The following AK5 variants were observed in gnomAD, a reference collection of about 807,000 sequenced individuals.
AK5 encodes the protein adenylate kinase 5.
AK5 carries 27 observed loss-of-function variants against 69.5 expected under a neutral mutation model. The observed-to-expected ratio is 0.39, with a 90% CI of 0.29 to 0.54. AK5 has a LOEUF of 0.54. Among genes scored for constraint, AK5 ranks in the 20% least tolerant of loss-of-function variants. The pLI, the probability that AK5 is intolerant of heterozygous loss-of-function variation, is 0.71. For missense variants in AK5, 531 were observed against 700.4 expected, an observed-to-expected ratio of 0.76 and a Z score of 2.73; for synonymous variants, 260 against 244.4, an observed-to-expected ratio of 1.06 and a Z score of -0.60.
intron 10 of AK5, among the ~76,000 whole-genome samples, chr1:77,489,885 T>C (rs1655868447): frequency 6.6e-6 from 1 of 152,168 alleles, no homozygotes; most frequent in Non-Finnish European, 1.5e-5. Context: ...TTATTATCGC[T>C]TGAGCTTGTC....
In AK5 at chr1:77,354,959, A is replaced by C. The variant is rs189982789; in HGVS notation, c.891+14391A>C. 7.2e-4 allele frequency among the ~76,000 whole-genome samples: 109 copies of C among 152,346 alleles called. No homozygotes were observed. In the Middle Eastern group the frequency reaches 0.014, roughly 19 times the overall value. On this transcript the variant is annotated intron_variant, in intron 6 of 13. Coordinates refer to ENST00000354567, the MANE Select transcript of AK5 (RefSeq NM_174858.3). The stretch of plus-strand genomic sequence containing the variant: ...TATTATAAGATATGATTTTTCCTCT[A>C]TTCTGAAATTTATGCTTAAAAATCT...
At chr1:77,546,079 A>G (rs972480068) in intron 13 of AK5, among the ~76,000 whole-genome samples, 9 of 152,128 alleles carry the variant, frequency 5.9e-5, no homozygotes, top group Non-Finnish European at 1.0e-4. Flanking sequence ...GATTCGATGC[A>G]ATACTGTTTG....
intron 10 of AK5, among the ~76,000 whole-genome samples, chr1:77,497,015 C>T (rs563172793): frequency 1.3e-5 from 2 of 152,328 alleles, no homozygotes; most frequent in African/African-American, 2.4e-5. Context: ...CCACTGGGGT[C>T]CCCTTCCATG....
chr1:77,540,188 C>T (rs1659191654), intron 13 of AK5, among the ~76,000 whole-genome samples: 1 of 152,220 alleles, frequency 6.6e-6, no homozygotes, highest in Admixed American at 6.5e-5. Context: ...TTTATACAGC[C>T]ACTCCCTTAT....
chr1:77,469,447 C>T lies in AK5; in HGVS notation c.1060-13870C>T, dbSNP rs117903918. 3.2e-4 allele frequency among the ~76,000 whole-genome samples: 48 copies of T among 152,286 alleles called. No homozygotes were observed. In the East Asian group the frequency reaches 8.3e-3, roughly 26 times the overall value. ...GGAAGAAGGAATTTGGCATATGGCC[C>T]GCAGTGAGAGCTCTTGCCCAACAGT... On this transcript the variant is annotated intron_variant, in intron 8 of 13. Transcript: ENST00000354567.
chr1:77,388,362 C>A (rs1187935334), intron 6 of AK5, among the ~76,000 whole-genome samples: 2 of 152,200 alleles, frequency 1.3e-5, no homozygotes, highest in Admixed American at 6.5e-5. Context: ...GCAGTCACAG[C>A]ATCTCTGTCC....
At chr1:77,492,686 T>C (rs562940306) in intron 10 of AK5, among the ~76,000 whole-genome samples, 381 of 151,406 alleles carry the variant, frequency 2.5e-3, no homozygotes, top group Non-Finnish European at 4.8e-3. Flanking sequence ...TGGGCTCCTG[T>C]AGGCCTGGAA....
intron 6 of AK5, among the ~76,000 whole-genome samples, chr1:77,367,488 TTTTTG>T (rs1646972479): frequency 7.1e-6 from 1 of 141,248 alleles, no homozygotes; most frequent in South Asian, 2.3e-4. Context: ...GGCTAGTTTT[TTTTTG>T]TTTGTTTTGT....
intron 5 of AK5, among the ~76,000 whole-genome samples, chr1:77,319,205 G>C (rs1660398484): frequency 6.6e-6 from 1 of 152,158 alleles, no homozygotes; most frequent in Admixed American, 6.5e-5. Context: ...CACAGGATGA[G>C]AGCCAAGGGA....
chr1:77,340,776 G>A (rs976755884), intron 6 of AK5: 10 of 425,780 alleles, frequency 2.3e-5, no homozygotes, highest in Non-Finnish European at 3.7e-5. Flanking sequence ...TAATTTAATT[G>A]ATTTTTATGA....
At chr1:77,438,206 A>T (rs1652072254) in intron 8 of AK5, among the ~76,000 whole-genome samples, 2 of 150,172 alleles carry the variant, frequency 1.3e-5, no homozygotes, top group African/African-American at 4.9e-5. Flanking sequence ...AAGCAGATTC[A>T]GAGAAGCAGA....
At chr1:77,354,484 G>A (rs1372587958) in intron 6 of AK5, among the ~76,000 whole-genome samples, 1 of 152,220 alleles carries the variant, frequency 6.6e-6, no homozygotes, top group Non-Finnish European at 1.5e-5. Flanking sequence ...ATTCTTTTCA[G>A]TAGTCCACTT....
At chr1:77,554,278 A>G (rs1659963138) in intron 13 of AK5, among the ~76,000 whole-genome samples, 1 of 152,130 alleles carries the variant, frequency 6.6e-6, no homozygotes, top group Admixed American at 6.5e-5. Flanking sequence ...CTTCCAGTAC[A>G]TGTCTATTCT....
chr1:77,538,168 GTC>G (rs1659069851), intron 13 of AK5, among the ~76,000 whole-genome samples: 1 of 151,962 alleles, frequency 6.6e-6, no homozygotes, highest in South Asian at 2.1e-4. Flanking sequence ...TCGAGACCCT[GTC>G]TCTCCAAAAA....
At position 77,521,937 on chromosome 1, in the gene AK5, A is replaced by G. The variant is rs746917635; in HGVS notation, c.1422A>G (p.Gly474=). 1.1e-5 allele frequency: 18 copies of G among 1,606,424 alleles called. No homozygotes were observed. The Admixed American group carries it at 3.1e-4, about 27-fold the overall frequency. ...AGGTGAAGCAAGGGGAAGAGTTCGGACGCAGGGTGAGTGGTTGTTACGGGC... is the reference window on the plus strand; with the variant it reads ...AGGTGAAGCAAGGGGAAGAGTTCGGGCGCAGGGTGAGTGGTTGTTACGGGC... The part of the protein sequence containing the change: ...PREVKQGEEF[G]RRIGDPQLVI... The change falls in exon 12 of 14, where the codon GGA becomes GGG. Residue 474 remains glycine (G), a synonymous_variant. Coordinates refer to ENST00000354567, the MANE Select transcript of AK5 (RefSeq NM_174858.3).
chr1:77,333,826 C>A (rs1042884721), intron 5 of AK5, among the ~76,000 whole-genome samples: 1 of 152,168 alleles, frequency 6.6e-6, no homozygotes, highest in South Asian at 2.1e-4. Flanking sequence ...GGCATATTAT[C>A]ATTAACTAAC....
intron 6 of AK5, among the ~76,000 whole-genome samples, chr1:77,372,988 A>C (rs912159311): frequency 6.6e-6 from 1 of 152,186 alleles, no homozygotes; most frequent in Non-Finnish European, 1.5e-5. Flanking sequence ...CCAAGTTTTT[A>C]ACCATTATAA....
At chr1:77,544,578 G>T (rs1659442969) in intron 13 of AK5, among the ~76,000 whole-genome samples, 1 of 150,258 alleles carries the variant, frequency 6.7e-6, no homozygotes, top group Middle Eastern at 3.2e-3. Flanking sequence ...TAAAAACTGA[G>T]ATGGAGACAC....
At chr1:77,310,308 G>C (rs1659872181) in intron 5 of AK5, among the ~76,000 whole-genome samples, 2 of 152,000 alleles carry the variant, frequency 1.3e-5, no homozygotes, top group Admixed American at 1.3e-4. Flanking sequence ...CAATATCATG[G>C]TTCCAGTTGA....
Sources: gnomAD v4.1 joint callset for allele counts (sites outside exome capture counted in the v4.1 genomes callset) on GRCh38, gnomAD v4.1.1 for gene constraint, MANE v1.5 for transcripts, NCBI Gene and HGNC (gene_info 2026-07-23, HGNC 2026-07-21) for gene names.